Variants in PJA2 observed in about 807,000 individuals in gnomAD.
PJA2 encodes the protein E3 ubiquitin-protein ligase Praja-2.
PJA2 carries 25 observed loss-of-function variants against 69.3 expected under a neutral mutation model. That is an observed-to-expected ratio of 0.36 (90% CI 0.26 to 0.50). PJA2 has a LOEUF of 0.50. Among genes scored for constraint, PJA2 ranks in the 20% least tolerant of loss-of-function variants. PJA2 has a pLI of 0.96. For synonymous variants in PJA2, 308 were observed against 277.8 expected, an observed-to-expected ratio of 1.11 and a Z score of -1.08; for missense variants, 809 against 830.2, an observed-to-expected ratio of 0.97 and a Z score of 0.31.
intron 9 of PJA2, among the ~76,000 whole-genome samples, chr5:109,343,467 A>G (rs1194632420): frequency 1.3e-5 from 2 of 151,964 alleles, no homozygotes; most frequent in Non-Finnish European, 2.9e-5. Context: ...ACATTTCAGA[A>G]ACACCAACCT....
chr5:109,403,016 A>T (rs960025044), intron 1 of PJA2, among the ~76,000 whole-genome samples: 1 of 152,070 alleles, frequency 6.6e-6, no homozygotes, highest in African/African-American at 2.4e-5. Flanking sequence ...CAAAGCATAT[A>T]GAAAGAAATA....
intron 4 of PJA2, among the ~76,000 whole-genome samples, chr5:109,374,888 G>A (rs17161754): frequency 0.05 from 7,632 of 152,200 alleles, 202 homozygotes; most frequent in African/African-American, 0.072. Context: ...TCCTCAAACA[G>A]TTACTAAACT....
chr5:109,358,180 C>T (rs976151791), intron 6 of PJA2, among the ~76,000 whole-genome samples: 5 of 152,126 alleles, frequency 3.3e-5, no homozygotes. Flanking sequence ...GTGGGTTTAC[C>T]GTTTACAGGA....
rs576374808 is a variant in PJA2, at chr5:109,388,182, C to A, written c.-87-4662G>T. On this transcript the variant is annotated intron_variant, in intron 1 of 9. Coordinates refer to ENST00000361189, the MANE Select transcript of PJA2 (RefSeq NM_014819.5). ...TCTTTCTGGAAGAAACCAGCTGCCA[C>A]ATCATGATATCACTCAAGTAGACCC... is the stretch of plus-strand genomic sequence containing the variant. Among the ~76,000 whole-genome samples the A allele has an allele frequency of 1.1e-4, 17 of 152,210 alleles. No individual in the cohort carries two copies. In the Middle Eastern group the frequency reaches 0.01, roughly 91 times the overall value.
intron 1 of PJA2, among the ~76,000 whole-genome samples, chr5:109,401,228 G>A (rs1747538840): frequency 6.6e-6 from 1 of 152,092 alleles, no homozygotes; most frequent in Non-Finnish European, 1.5e-5. Context: ...AGGTTGCAGT[G>A]AGCTGAGATG....
intron 6 of PJA2, among the ~76,000 whole-genome samples, chr5:109,357,567 G>A (rs901689060): frequency 1.3e-5 from 2 of 152,184 alleles, no homozygotes; most frequent in African/African-American, 4.8e-5. Context: ...GAAAGAGCCT[G>A]TAACTGACTC....
chr5:109,377,555 G>A (rs1582612136), intron 4 of PJA2, among the ~76,000 whole-genome samples: 1 of 152,150 alleles, frequency 6.6e-6, no homozygotes, highest in Non-Finnish European at 1.5e-5. Flanking sequence ...GTGGTGAACA[G>A]TCTCTGGAAT....
rs548155647 is a variant in PJA2 at position 109,344,690 on chromosome 5, C to T, written c.1879+15G>A. The T allele has an allele frequency of 1.4e-4, 208 of 1,527,008 alleles. 2 individuals carry two copies. In the South Asian group the frequency reaches 2.3e-3, roughly 17 times the overall value. 94.6% of individuals were successfully genotyped at this position (1,527,008 alleles called of 1,614,324 possible). ...CAATGTGTTCTTCAACATTTGAGATCAACTTTGCCCTTACCAGTGTGATCT... is the reference window on the plus strand; with the variant it reads ...CAATGTGTTCTTCAACATTTGAGATTAACTTTGCCCTTACCAGTGTGATCT... On this transcript the variant is annotated intron_variant, in intron 8 of 9. Transcript: ENST00000361189.
intron 3 of PJA2, among the ~76,000 whole-genome samples, chr5:109,381,145 T>A (rs1747038153): frequency 6.6e-6 from 1 of 151,966 alleles, no homozygotes; most frequent in Non-Finnish European, 1.5e-5. Flanking sequence ...AGAAAAGTTA[T>A]TTAAATATTA....
intron 7 of PJA2, among the ~76,000 whole-genome samples, chr5:109,346,855 T>C (rs1762178712): frequency 6.6e-6 from 1 of 152,346 alleles, no homozygotes; most frequent in East Asian, 1.9e-4. Flanking sequence ...TTTTATATTA[T>C]GTTTATTTTA....
intron 7 of PJA2, 53 bp downstream of exon 7, chr5:109,355,862 T>C (rs1018455984): frequency 2.3e-6 from 3 of 1,290,352 alleles, no homozygotes; most frequent in Non-Finnish European, 3.3e-6. Flanking sequence ...TTTAAACCTT[T>C]ATCATTTTGT....
intron 4 of PJA2, among the ~76,000 whole-genome samples, chr5:109,376,524 T>A (rs1746891321): frequency 6.6e-6 from 1 of 151,670 alleles, no homozygotes; most frequent in Non-Finnish European, 1.5e-5. Context: ...CATAAGACAT[T>A]ATAACTGACT....
chr5:109,355,899 A>G lies in PJA2; in HGVS notation c.1764+16T>C, dbSNP rs756193107. On this transcript the variant is annotated intron_variant, in intron 7 of 9. Coordinates refer to ENST00000361189, the MANE Select transcript of PJA2 (RefSeq NM_014819.5). ...TCCCATCAACTTATATATGGAGATC[A>G]GAGTTATGAACATACCTCCATAGCC... is the stretch of plus-strand genomic sequence containing the variant. 2 of 1,548,930 alleles carry G rather than the reference A, an allele frequency of 1.3e-6. No homozygotes were observed. The highest frequency in any genetic ancestry group is 4.5e-5 in the East Asian group (2 of 44,508).
Position 109,378,513 on chromosome 5 carries a change from C to G in PJA2, c.974G>C (p.Ser325Thr). 1 of 1,614,168 alleles carries G rather than the reference C, an allele frequency of 6.2e-7. No individual in the cohort carries two copies. Among genetic ancestry groups the G allele is most frequent in the Non-Finnish European group, 8.5e-7 (1 of 1,180,020 alleles). Residue 325 changes from serine to threonine, a missense_variant, in exon 4 of 10, where the codon AGC (serine) becomes ACC (threonine). By Grantham distance (58) the Ser-to-Thr change is moderately conservative. Around this residue, in one of 4 missense-constraint regions of PJA2, gnomAD observed 700 missense variants for 639.5 expected, o/e 1.09. Transcript: ENST00000361189. Reference sequence around the variant, plus strand: ...AAAACCTGTTTCTTGGTCCACCTGGCTTGAACTTATCAGTTTTCTAACTTT... The same window carrying G: ...AAAACCTGTTTCTTGGTCCACCTGGGTTGAACTTATCAGTTTTCTAACTTT... ...RPKVRKLISS[S>T]QVDQETGFNR...
chr5:109,341,288 C>T (rs1306114890), intron 9 of PJA2, among the ~76,000 whole-genome samples: 44 of 147,464 alleles, frequency 3.0e-4, no homozygotes, highest in East Asian at 8.2e-4. Flanking sequence ...GCCTCTGCCC[C>T]GCCGCCCCAT....
At chr5:109,369,287 G>A (rs939198640) in intron 4 of PJA2, among the ~76,000 whole-genome samples, 10 of 152,148 alleles carry the variant, frequency 6.6e-5, no homozygotes, top group African/African-American at 2.2e-4. Context: ...TTTGTCAGGT[G>A]CTAATTCAAT....
At chr5:109,387,933 C>A (rs1329964602) in intron 1 of PJA2, among the ~76,000 whole-genome samples, 2 of 152,136 alleles carry the variant, frequency 1.3e-5, no homozygotes, top group Admixed American at 1.3e-4. Context: ...ATTCTGTGCT[C>A]CTTTCTCTGA....
intron 1 of PJA2, chr5:109,390,900 G>A (rs1271732882): frequency 6.6e-6 from 1 of 152,076 alleles, no homozygotes; most frequent in African/African-American, 2.4e-5. Flanking sequence ...TAACATCACA[G>A]AAGTCTGGTT....
chr5:109,342,479 G>GA (rs1169887474), intron 9 of PJA2, among the ~76,000 whole-genome samples: 2 of 128,572 alleles, frequency 1.6e-5, no homozygotes, highest in South Asian at 2.5e-4. Flanking sequence ...GAGGTGGGGG[G>GA]GTCAGCCCCC....
Sources: allele counts gnomAD v4.1 joint callset (sites outside exome capture counted in the v4.1 genomes callset), GRCh38; gene constraint gnomAD v4.1.1; regional missense constraint gnomAD v4.1.1; transcripts MANE v1.5; gene names NCBI Gene and HGNC (gene_info 2026-07-23, HGNC 2026-07-21).